TDRD9: variants seen among roughly 807,000 people sequenced by gnomAD.
TDRD9 encodes the protein tudor domain containing 9.
A neutral mutation model predicts 172.6 loss-of-function variants in TDRD9; 124 were observed. That is an observed-to-expected ratio of 0.72 (90% CI 0.62 to 0.83). TDRD9 has a LOEUF of 0.83. TDRD9 is among the 40% of genes least tolerant of loss of function. TDRD9 has a pLI of 0.00. For missense variants in TDRD9, 1,479 were observed against 1,714.1 expected (o/e 0.86, Z 2.42); for synonymous variants, 619 against 617.1 (o/e 1.00, Z -0.05).
At position 104,031,264 on chromosome 14, in the gene TDRD9, G is replaced by A; in HGVS notation, c.3438+1G>A. On this transcript the variant is annotated splice_donor_variant, in intron 29 of 35. Transcript: ENST00000409874. LOFTEE classifies it high-confidence loss of function. ...TAAACTGGGTACTCCAAACTGTAAG[G>A]TGATTGTAGGAGTTTTAAAATGTAA... 1 of 1,547,606 alleles carries A rather than the reference G, an allele frequency of 6.5e-7. No individual in the cohort carries two copies. Among genetic ancestry groups the A allele is most frequent in the South Asian group, 1.2e-5 (1 of 83,500 alleles).
chr14:104,009,947 C>CTTTTT (rs553694826), intron 20 of TDRD9, among the ~76,000 whole-genome samples: 2 of 135,234 alleles, frequency 1.5e-5, no homozygotes, highest in Non-Finnish European at 3.2e-5. Flanking sequence ...TTCTTTCTTT[C>CTTTTT]TTTTTTTTTT....
intron 28 of TDRD9, among the ~76,000 whole-genome samples, chr14:104,028,202 A>G (rs1022197006): frequency 6.6e-6 from 1 of 152,170 alleles, no homozygotes; most frequent in African/African-American, 2.4e-5. Flanking sequence ...CTTTGGATAA[A>G]TATCCAGTAG....
intron 13 of TDRD9, 106 bp from the exon 14 acceptor site, chr14:104,004,132 T>C (rs1368107603): frequency 2.8e-5 from 15 of 532,964 alleles, no homozygotes; most frequent in Non-Finnish European, 4.5e-5. Flanking sequence ...TGGAAGATAC[T>C]TAAGGCTTTG....
At chr14:104,024,495 A>T in intron 24 of TDRD9, 74 bp from the exon 25 acceptor site, 1 of 765,194 alleles carries the variant, frequency 1.3e-6, no homozygotes, top group Non-Finnish European at 2.2e-6. Context: ...AGTTCAAGTG[A>T]TAATTTCACA....
chr14:104,039,893 A>G (rs533462192), intron 32 of TDRD9, among the ~76,000 whole-genome samples: 5 of 151,636 alleles, frequency 3.3e-5, no homozygotes, highest in South Asian at 2.1e-4. Flanking sequence ...AAGGCAAGGG[A>G]AAAAAAAACC....
At chr14:104,039,996 A>G (rs2152263277) in intron 32 of TDRD9, among the ~76,000 whole-genome samples, 200 bp from the exon 33 acceptor site, 1 of 152,302 alleles carries the variant, frequency 6.6e-6, no homozygotes, top group East Asian at 1.9e-4. Context: ...TAATAAAAAT[A>G]CTGAATTTAC....
intron 8 of TDRD9, among the ~76,000 whole-genome samples, chr14:103,987,884 C>T (rs1307678813): frequency 6.6e-6 from 1 of 152,144 alleles, no homozygotes; most frequent in Non-Finnish European, 1.5e-5. Context: ...CCTATTTCTT[C>T]AATCTTTTCT....
intron 2 of TDRD9, among the ~76,000 whole-genome samples, chr14:103,956,151 A>G (rs1406920502): frequency 2.5e-5 from 2 of 81,124 alleles, no homozygotes; most frequent in African/African-American, 1.0e-4. Context: ...TATATATATA[A>G]TTATTAGGCC....
intron 34 of TDRD9, among the ~76,000 whole-genome samples, chr14:104,047,938 T>G (rs940060714): frequency 4.6e-5 from 7 of 152,230 alleles, no homozygotes; most frequent in African/African-American, 1.7e-4. Context: ...TTGGCACCTG[T>G]TCACAGTGGC....
intron 2 of TDRD9, among the ~76,000 whole-genome samples, chr14:103,957,758 C>A (rs766348060): frequency 6.6e-6 from 1 of 152,148 alleles, no homozygotes; most frequent in African/African-American, 2.4e-5. Context: ...GTCACACTCA[C>A]GTACTGGCCC....
intron 26 of TDRD9, 124 bp downstream of exon 26, chr14:104,025,900 T>C: frequency 9.9e-7 from 1 of 1,008,166 alleles, no homozygotes. Context: ...AAGTAGTCTG[T>C]TTCCCTCATT....
intron 1 of TDRD9, among the ~76,000 whole-genome samples, chr14:103,938,333 A>G (rs1433576651): frequency 6.7e-6 from 1 of 148,680 alleles, no homozygotes; most frequent in Non-Finnish European, 1.5e-5. Flanking sequence ...TTCTTGATAA[A>G]ACACACCTGA....
At chr14:103,934,407 GT>G (rs1279805781) in intron 1 of TDRD9, among the ~76,000 whole-genome samples, 1 of 152,224 alleles carries the variant, frequency 6.6e-6, no homozygotes, top group Non-Finnish European at 1.5e-5. Context: ...CATGTTCTCT[GT>G]ATGTACTATG....
intron 6 of TDRD9, among the ~76,000 whole-genome samples, chr14:103,974,705 A>T (rs1465544244): frequency 6.6e-6 from 1 of 151,856 alleles, no homozygotes; most frequent in Admixed American, 6.6e-5. Flanking sequence ...CAGTGGTGTG[A>T]TCATAGATCA....
chr14:103,933,533 ATTTAT>A (rs2030541852), intron 1 of TDRD9, among the ~76,000 whole-genome samples: 2 of 152,072 alleles, frequency 1.3e-5, no homozygotes, highest in East Asian at 1.9e-4. Context: ...TAGTTCCCTA[ATTTAT>A]TTTATTTTAT....
intron 28 of TDRD9, 62 bp downstream of exon 28, chr14:104,027,001 C>T (rs2035144703): frequency 1.9e-6 from 3 of 1,561,300 alleles, no homozygotes; most frequent in Admixed American, 1.8e-5. Flanking sequence ...GCAGGCTTTC[C>T]TTCCTCTGTG....
rs1287068754 is a variant in TDRD9 at position 103,975,316 on chromosome 14, C to T, written c.847-73C>T. The T allele has an allele frequency of 2.8e-6, 4 of 1,419,818 alleles. No homozygotes were observed. The African/African-American group carries it at 5.7e-5, about 20-fold the overall frequency. The allele number at this position is 1,419,818 out of a possible 1,614,324, so 88.0% of individuals were successfully genotyped here. Reference sequence around the variant, plus strand: ...GATAAGGAGTGAAGCAGAAGAAAAGCCTGCAGTTTTAGAAGTATTTAATTT... The same window carrying T: ...GATAAGGAGTGAAGCAGAAGAAAAGTCTGCAGTTTTAGAAGTATTTAATTT... On this transcript the variant is annotated intron_variant, in intron 6 of 35. Transcript: ENST00000409874.
chr14:103,977,581 G>A (rs2033301412), intron 7 of TDRD9, among the ~76,000 whole-genome samples: 1 of 145,714 alleles, frequency 6.9e-6, no homozygotes, highest in Non-Finnish European at 1.5e-5. Context: ...TCCCTTGTCA[G>A]ATGAATAGTT....
chr14:104,049,765 G>A, intron 35 of TDRD9, 85 bp downstream of exon 35: 1 of 1,210,620 alleles, frequency 8.3e-7, no homozygotes, highest in Non-Finnish European at 1.2e-6. Context: ...TCAGAGCCAG[G>A]GCTGGCCGAG....
Sources: gnomAD v4.1 joint callset for allele counts (sites outside exome capture counted in the v4.1 genomes callset) on GRCh38, gnomAD v4.1.1 for gene constraint, MANE v1.5 for transcripts, NCBI Gene and HGNC (gene_info 2026-07-23, HGNC 2026-07-21) for gene names.